Variants in PTPN13 observed in about 807,000 individuals in gnomAD.
PTPN13 encodes tyrosine-protein phosphatase non-receptor type 13.
PTPN13 carries 191 observed loss-of-function variants against 284.0 expected under a neutral mutation model. That is an observed-to-expected ratio of 0.67 (90% CI 0.60 to 0.76). The LOEUF (loss-of-function observed/expected upper bound fraction) is 0.76. Ranked by LOEUF, PTPN13 falls within the 30% of genes least tolerant of loss-of-function variation. The pLI is 0.00. For missense variants in PTPN13, 2,797 were observed against 2,939.9 expected (o/e 0.95, Z 1.12); for synonymous variants, 986 against 1,022.3 (o/e 0.96, Z 0.68).
chr4:86,766,688 A>G, intron 27 of PTPN13, 171 bp downstream of exon 27: 1 of 450,296 alleles, frequency 2.2e-6, no homozygotes, highest in Non-Finnish European at 3.8e-6. Flanking sequence ...AAATGCAAGT[A>G]TTACAAGACA....
At chr4:86,757,195 C>T (rs879387090) in intron 20 of PTPN13, among the ~76,000 whole-genome samples, 2 of 152,118 alleles carry the variant, frequency 1.3e-5, no homozygotes, top group Non-Finnish European at 2.9e-5. Context: ...CTTTAAAAAA[C>T]CTAGTGGAAA....
chr4:86,647,371 G>A (rs533348650), intron 2 of PTPN13, among the ~76,000 whole-genome samples: 8 of 151,976 alleles, frequency 5.3e-5, no homozygotes, highest in Non-Finnish European at 8.8e-5. Flanking sequence ...GTCAAATGCT[G>A]TACCTGACTT....
intron 3 of PTPN13, among the ~76,000 whole-genome samples, chr4:86,682,743 A>G (rs1729037299): frequency 6.6e-6 from 1 of 152,164 alleles, no homozygotes; most frequent in African/African-American, 2.4e-5. Flanking sequence ...TGTATCAGTG[A>G]TCTTTATCCC....
At chr4:86,754,700 A>C (rs1361502871) in intron 20 of PTPN13, among the ~76,000 whole-genome samples, 1 of 152,108 alleles carries the variant, frequency 6.6e-6, no homozygotes, top group Non-Finnish European at 1.5e-5. Context: ...CTGGATAATA[A>C]TCTATTCAAG....
At chr4:86,706,011 A>G (rs1349063591) in intron 7 of PTPN13, among the ~76,000 whole-genome samples, 1 of 152,152 alleles carries the variant, frequency 6.6e-6, no homozygotes, top group African/African-American at 2.4e-5. Context: ...ATTCTCTTGA[A>G]AGGATCCTTT....
In PTPN13 at chr4:86,754,263, C is replaced by T. The variant is rs142569335; in HGVS notation, c.3223+1198C>T. The stretch of plus-strand genomic sequence containing the variant: ...AAAAATTATTGAACTTATACTTGGA[C>T]GTAAATTGCTAATCCTGTTATATAG... On this transcript the variant is annotated intron_variant, in intron 20 of 47. Coordinates refer to ENST00000411767, the MANE Select transcript of PTPN13 (RefSeq NM_080683.3). Among the ~76,000 whole-genome samples the T allele has an allele frequency of 1.6e-3, 241 of 152,094 alleles. 3 individuals carry two copies. Among genetic ancestry groups the T allele is most frequent in the African/African-American group, 5.6e-3 (232 of 41,530 alleles).
chr4:86,683,836 CAT>C (rs1319370135), intron 3 of PTPN13, among the ~76,000 whole-genome samples: 1 of 152,082 alleles, frequency 6.6e-6, no homozygotes, highest in Non-Finnish European at 1.5e-5. Context: ...CTCAAAGAAT[CAT>C]AAACCAAAAT....
In PTPN13 at chr4:86,774,502, A is replaced by G; in HGVS notation, c.5479A>G (p.Arg1827Gly). Reference protein sequence around the residue: ...VIQDPAKSDGRLKPGDRLIKV... With the variant: ...VIQDPAKSDGGLKPGDRLIKV... ...ACAGGATCCAGCCAAAAGTGATGGA[A>G]GGCTAAAACCTGGGGACCGGCTCAT... The change falls in exon 33 of 48, where the codon AGG becomes GGG. Residue 1827 changes from arginine (R) to glycine (G), a missense_variant. Coordinates refer to ENST00000411767, the MANE Select transcript of PTPN13 (RefSeq NM_080683.3). 4.4e-6 allele frequency: 7 copies of G among 1,603,860 alleles called. No individual in the cohort carries two copies. Among genetic ancestry groups the G allele is most frequent in the Non-Finnish European group, 6.0e-6 (7 of 1,174,914 alleles).
At chr4:86,721,381 G>A (rs963411908) in intron 9 of PTPN13, among the ~76,000 whole-genome samples, 3 of 152,124 alleles carry the variant, frequency 2.0e-5, no homozygotes, top group Middle Eastern at 3.4e-3. Flanking sequence ...TTCAGATACT[G>A]GAGATAGAGT....
At chr4:86,595,595 C>A in intron 1 of PTPN13, 1 of 200,424 alleles carries the variant, frequency 5.0e-6, no homozygotes, top group Non-Finnish European at 8.9e-6. Flanking sequence ...CCACCGCACA[C>A]TTCCAACTAA....
chr4:86,716,668 C>A, intron 8 of PTPN13, 43 bp downstream of exon 8: 2 of 1,219,578 alleles, frequency 1.6e-6, no homozygotes, highest in Non-Finnish European at 2.3e-6. Context: ...TAAGAAACCA[C>A]GATTATTATT....
intron 26 of PTPN13, among the ~76,000 whole-genome samples, chr4:86,766,214 T>A (rs897987597): frequency 2.0e-5 from 3 of 152,206 alleles, no homozygotes; most frequent in Non-Finnish European, 4.4e-5. Context: ...CTCTCTTGAT[T>A]TAAATTTATT....
intron 23 of PTPN13, among the ~76,000 whole-genome samples, chr4:86,760,873 A>G (rs1055223779): frequency 2.0e-5 from 3 of 152,064 alleles, no homozygotes; most frequent in Non-Finnish European, 4.4e-5. Context: ...GTAAAACCCA[A>G]AAGAACTTAG....
chr4:86,673,318 A>T (rs1727921158), intron 3 of PTPN13, among the ~76,000 whole-genome samples: 1 of 152,180 alleles, frequency 6.6e-6, no homozygotes, highest in Non-Finnish European at 1.5e-5. Context: ...CACAGAGAAG[A>T]GGTAGCTATT....
intron 20 of PTPN13, among the ~76,000 whole-genome samples, chr4:86,757,156 T>G (rs1738076500): frequency 6.6e-6 from 1 of 152,190 alleles, no homozygotes; most frequent in South Asian, 2.1e-4. Flanking sequence ...TTTATTGGTT[T>G]CAGAAGTTAA....
At position 86,785,304 on chromosome 4, in the gene PTPN13, T is replaced by C; in HGVS notation, c.6192T>C (p.Val2064=). 6.2e-7 allele frequency: 1 copy of C among 1,609,684 alleles called. No homozygotes were observed. The highest frequency in any genetic ancestry group is 8.5e-7 in the Non-Finnish European group (1 of 1,176,746). Residue 2064 remains valine (V), a synonymous_variant, in exon 39 of 48, where the codon GTT becomes GTC. Transcript: ENST00000411767. ...AAGTTATCCAGTCTCTGCTGGATGTTGTGGATGAGGAAGCCCAGAATCTTT... is the reference window on the plus strand; with the variant it reads ...AAGTTATCCAGTCTCTGCTGGATGTCGTGGATGAGGAAGCCCAGAATCTTT... The part of the protein sequence containing the change: ...EAEVIQSLLD[V]VDEEAQNLLN...
rs374071335 is a variant in PTPN13, at chr4:86,740,617, AT to A, written c.2305-1015del. On this transcript the variant is annotated intron_variant, in intron 15 of 47. Transcript: ENST00000411767. ...GACATGCCCTGGAAACCTTTTCCCC[AT>A]TGTCTTGGTGATTAACATTTGGCTC... Among the ~76,000 whole-genome samples the A allele has an allele frequency of 8.2e-4, 125 of 152,108 alleles. 4 individuals carry two copies. The South Asian group carries it at 0.026, about 31-fold the overall frequency.
chr4:86,753,081 GT>G lies in PTPN13; in HGVS notation c.3223+21del, dbSNP rs1175360872. ...AAAGAAAATGGTAGGTTTACAAAATGTTTTTCCCCTCATTTCCATCATTTCT... is the reference window on the plus strand; with the variant it reads ...AAAGAAAATGGTAGGTTTACAAAATGTTTTCCCCTCATTTCCATCATTTCT... On this transcript the variant is annotated intron_variant, in intron 20 of 47. Transcript: ENST00000411767. 4.4e-6 allele frequency: 7 copies of G among 1,588,118 alleles called. No individual in the cohort carries two copies. Among genetic ancestry groups the G allele is most frequent in the Non-Finnish European group, 6.0e-6 (7 of 1,158,878 alleles).
At chr4:86,813,434 T>C (rs759044721) in intron 47 of PTPN13, among the ~76,000 whole-genome samples, 28 of 152,214 alleles carry the variant, frequency 1.8e-4, no homozygotes, top group African/African-American at 7.2e-5. Context: ...TAAAGACTTA[T>C]TTTTTGGTTT....
Sources: gnomAD v4.1 joint callset for allele counts (sites outside exome capture counted in the v4.1 genomes callset) on GRCh38, gnomAD v4.1.1 for gene constraint, MANE v1.5 for transcripts, NCBI Gene and HGNC (gene_info 2026-07-23, HGNC 2026-07-21) for gene names.